The following DACH2 variants were observed in gnomAD, a reference collection of about 807,000 sequenced individuals.
DACH2 encodes dachshund family transcription factor 2.
Under a neutral mutation model 35.8 loss-of-function variants are expected in DACH2, and 17 were observed. The observed-to-expected ratio is 0.48, with a 90% CI of 0.33 to 0.71. DACH2 has a LOEUF of 0.71. Ranked by LOEUF, DACH2 falls within the 30% of genes least tolerant of loss-of-function variation. The pLI, the probability that DACH2 is intolerant of heterozygous loss-of-function variation, is 0.02. For missense variants in DACH2, 469 were observed against 472.7 expected, an observed-to-expected ratio of 0.99 and a Z score of 0.07; for synonymous variants, 195 against 177.3, an observed-to-expected ratio of 1.10 and a Z score of -0.79.
intron 1 of DACH2, among the ~76,000 whole-genome samples, chrX:86,187,084 C>T (rs2031703109): frequency 1.8e-5 from 2 of 111,584 alleles, no homozygotes; most frequent in African/African-American, 6.5e-5. Flanking sequence ...TCTTTGTGAT[C>T]TTGAAATAGC....
At chrX:86,369,994 C>T (rs1444002188) in intron 1 of DACH2, among the ~76,000 whole-genome samples, 3 of 111,350 alleles carry the variant, frequency 2.7e-5, no homozygotes, top group Non-Finnish European at 3.8e-5. Context: ...GGTAAAGTGT[C>T]CCTTCACAAG....
intron 1 of DACH2, among the ~76,000 whole-genome samples, chrX:86,322,754 G>A (rs1345401698): frequency 1.8e-5 from 2 of 112,061 alleles, no homozygotes; most frequent in South Asian, 3.7e-4. Context: ...GTTATAGACT[G>A]GACTAGAGAA....
intron 7 of DACH2, among the ~76,000 whole-genome samples, chrX:86,740,652 G>A (rs1429498383): frequency 9.2e-6 from 1 of 108,259 alleles, no homozygotes; most frequent in Non-Finnish European, 1.9e-5. Context: ...TTGTGATGTG[G>A]CATATTGGGA....
At chrX:86,556,803 G>T (rs1382206942) in intron 3 of DACH2, among the ~76,000 whole-genome samples, 22 of 82,176 alleles carry the variant, frequency 2.7e-4, no homozygotes, top group East Asian at 1.2e-3. Context: ...TATAGAGAGA[G>T]AGAGAGAGAG....
intron 7 of DACH2, among the ~76,000 whole-genome samples, chrX:86,773,318 C>T (rs1414593463): frequency 9.0e-6 from 1 of 111,512 alleles, no homozygotes; most frequent in Non-Finnish European, 1.9e-5. Flanking sequence ...GTTTTCATTG[C>T]TTGTATTTCT....
intron 1 of DACH2, among the ~76,000 whole-genome samples, chrX:86,238,411 T>C (rs895546606): frequency 1.8e-5 from 2 of 112,259 alleles, no homozygotes; most frequent in Non-Finnish European, 3.8e-5. Flanking sequence ...ACACATGTGA[T>C]ACATTCTTAC....
At chrX:86,486,759 T>A (rs956219706) in intron 2 of DACH2, among the ~76,000 whole-genome samples, 4 of 112,239 alleles carry the variant, frequency 3.6e-5, no homozygotes, top group African/African-American at 1.3e-4. Context: ...TTCAGCAAGT[T>A]AGCCTCTCTG....
chrX:86,226,572 T>A (rs1002572832), intron 1 of DACH2, among the ~76,000 whole-genome samples: 2 of 111,948 alleles, frequency 1.8e-5, no homozygotes, highest in Non-Finnish European at 3.8e-5. Context: ...CATCTAGAGT[T>A]GCATTACTTT....
intron 1 of DACH2, among the ~76,000 whole-genome samples, chrX:86,339,910 A>G (rs901339446): frequency 1.8e-5 from 2 of 111,869 alleles, no homozygotes; most frequent in Non-Finnish European, 3.8e-5. Flanking sequence ...TAATATTAAA[A>G]CTTTGTCACA....
At chrX:86,426,293 A>G (rs192674122) in intron 2 of DACH2, among the ~76,000 whole-genome samples, 403 of 111,106 alleles carry the variant, frequency 3.6e-3, no homozygotes, top group Middle Eastern at 0.023. Context: ...TCCCCACTCC[A>G]TGTGTGTCCT....
chrX:86,417,480 A>G (rs1217504711), intron 2 of DACH2, among the ~76,000 whole-genome samples: 2 of 108,712 alleles, frequency 1.8e-5, no homozygotes, highest in South Asian at 7.5e-4. Context: ...AGCAAGTCAC[A>G]TCCTACATGG....
chrX:86,560,269 C>T (rs1437335611), intron 3 of DACH2, among the ~76,000 whole-genome samples: 1 of 73,221 alleles, frequency 1.4e-5, no homozygotes, highest in Non-Finnish European at 2.5e-5. Flanking sequence ...AATATTGGCC[C>T]CCACTCTCTT....
intron 3 of DACH2, among the ~76,000 whole-genome samples, chrX:86,535,249 T>C (rs1346064375): frequency 1.8e-5 from 2 of 111,913 alleles, no homozygotes; most frequent in African/African-American, 6.5e-5. Flanking sequence ...TTCAAAATTG[T>C]ATATGATATG....
chrX:86,705,830 T>C (rs2041209789), intron 5 of DACH2, among the ~76,000 whole-genome samples: 1 of 111,528 alleles, frequency 9.0e-6, no homozygotes, highest in African/African-American at 3.3e-5. Context: ...TGCAAACATA[T>C]GGAATCGACC....
chrX:86,816,926 A>G (rs763003863), intron 11 of DACH2, among the ~76,000 whole-genome samples: 7 of 112,110 alleles, frequency 6.2e-5, no homozygotes, highest in Non-Finnish European at 1.1e-4. Context: ...GAAGACAACT[A>G]TGAATATGTT....
intron 7 of DACH2, among the ~76,000 whole-genome samples, chrX:86,747,716 C>T (rs1204371952): frequency 8.9e-6 from 1 of 111,739 alleles, no homozygotes; most frequent in Non-Finnish European, 1.9e-5. Flanking sequence ...TGGCTGCTGA[C>T]AGATCAGGGT....
At chrX:86,734,778 G>A (rs1361275447) in intron 6 of DACH2, among the ~76,000 whole-genome samples, 1 of 71,968 alleles carries the variant, frequency 1.4e-5, no homozygotes, top group Non-Finnish European at 2.7e-5. Context: ...AAAACAATGA[G>A]CAAATTTTTT....
intron 4 of DACH2, among the ~76,000 whole-genome samples, chrX:86,654,950 G>C (rs374856920): frequency 4.0e-4 from 45 of 111,728 alleles, no homozygotes; most frequent in African/African-American, 1.4e-3. Flanking sequence ...TGTATTTCAA[G>C]CATTTTAGAT....
At chrX:86,663,582 T>G (rs1472312089) in intron 4 of DACH2, among the ~76,000 whole-genome samples, 1 of 111,607 alleles carries the variant, frequency 9.0e-6, no homozygotes, top group Non-Finnish European at 1.9e-5. Flanking sequence ...GAACTAAAAG[T>G]TAGGATCCCA....
Sources: gnomAD v4.1 joint callset for allele counts (sites outside exome capture counted in the v4.1 genomes callset) on GRCh38, gnomAD v4.1.1 for gene constraint, MANE v1.5 for transcripts, NCBI Gene and HGNC (gene_info 2026-07-23, HGNC 2026-07-21) for gene names.